DAPK2: variants seen among roughly 807,000 people sequenced by gnomAD.
DAPK2 encodes death-associated protein kinase 2.
Under a neutral mutation model 44.1 loss-of-function variants are expected in DAPK2, and 35 were observed. The ratio of observed to expected loss-of-function variants is 0.79; its 90% CI spans 0.61 to 1.05. The LOEUF (loss-of-function observed/expected upper bound fraction) is 1.05, where lower values mean the gene tolerates loss of function less well. DAPK2 is among the 50% of genes least tolerant of loss of function. The pLI, the probability that DAPK2 is intolerant of heterozygous loss-of-function variation, is 0.00. For synonymous variants in DAPK2, 174 were observed against 182.6 expected (o/e 0.95, Z 0.38); for missense variants, 453 against 483.2 (o/e 0.94, Z 0.59).
intron 1 of DAPK2, among the ~76,000 whole-genome samples, chr15:64,023,747 A>G (rs2079757235): frequency 6.6e-6 from 1 of 152,246 alleles, no homozygotes; most frequent in African/African-American, 2.4e-5. Context: ...ATCTACGGCC[A>G]TTTGCTGGAC....
intron 1 of DAPK2, among the ~76,000 whole-genome samples, chr15:64,001,313 C>T (rs2079079893): frequency 6.6e-6 from 1 of 152,072 alleles, no homozygotes; most frequent in Admixed American, 6.5e-5. Context: ...GATCATGGTA[C>T]AGCCATGCTT....
chr15:63,914,062 G>A (rs1268523123), intron 8 of DAPK2, among the ~76,000 whole-genome samples: 5 of 152,220 alleles, frequency 3.3e-5, no homozygotes, highest in Admixed American at 6.5e-5. Context: ...AGCTGTTGGA[G>A]AGATAAGTTG....
At chr15:64,033,441 T>TA (rs949631863) in intron 1 of DAPK2, among the ~76,000 whole-genome samples, 1 of 152,006 alleles carries the variant, frequency 6.6e-6, no homozygotes, top group African/African-American at 2.4e-5. Flanking sequence ...TTTATTAATT[T>TA]AAAAAACCAT....
intron 7 of DAPK2, among the ~76,000 whole-genome samples, 165 bp downstream of exon 8, chr15:63,925,776 A>C (rs778445726): frequency 1.3e-5 from 2 of 151,950 alleles, no homozygotes; most frequent in Non-Finnish European, 2.9e-5. Context: ...AAACAAGATG[A>C]ATGCCACGTC....
intron 8 of DAPK2, among the ~76,000 whole-genome samples, chr15:63,914,269 C>T (rs1276656221): frequency 6.6e-6 from 1 of 152,040 alleles, no homozygotes; most frequent in Non-Finnish European, 1.5e-5. Context: ...GTGCATGCAA[C>T]CTGGAAGTGG....
intron 3 of DAPK2, among the ~76,000 whole-genome samples, chr15:63,945,101 G>C (rs2077414232): frequency 6.6e-6 from 1 of 152,174 alleles, no homozygotes; most frequent in Non-Finnish European, 1.5e-5. Context: ...CTGAGCTCAA[G>C]TGATCCTCCC....
chr15:63,979,656 T>C (rs921365687), intron 2 of DAPK2, among the ~76,000 whole-genome samples: 6 of 152,194 alleles, frequency 3.9e-5, no homozygotes, highest in Admixed American at 3.9e-4. Context: ...CTCATGCCTG[T>C]AATCCTAGCA....
At chr15:64,015,389 C>A (rs1396840899) in intron 1 of DAPK2, among the ~76,000 whole-genome samples, 1 of 152,200 alleles carries the variant, frequency 6.6e-6, no homozygotes, top group Non-Finnish European at 1.5e-5. Flanking sequence ...CCACAACACT[C>A]AGGGCACTGC....
intron 1 of DAPK2, among the ~76,000 whole-genome samples, chr15:64,009,225 T>C (rs946923162): frequency 3.9e-5 from 6 of 152,162 alleles, no homozygotes; most frequent in African/African-American, 1.4e-4. Context: ...GTTTTCTGAA[T>C]GGACTTGGGC....
intron 10 of DAPK2, chr15:63,909,212 G>A (rs974208220): frequency 6.6e-6 from 1 of 152,116 alleles, no homozygotes; most frequent in Non-Finnish European, 1.5e-5. Context: ...AAGTCATGAT[G>A]ATCTAATGTA....
At chr15:63,929,600 G>T in intron 5 of DAPK2, 23 bp from the exon 7 acceptor site, 1 of 1,613,906 alleles carries the variant, frequency 6.2e-7, no homozygotes, top group Non-Finnish European at 8.5e-7. Context: ...GAACAGTCAA[G>T]TCAGGGCCAC....
intron 1 of DAPK2, among the ~76,000 whole-genome samples, chr15:63,987,180 C>T (rs1018616783): frequency 6.6e-6 from 1 of 152,134 alleles, no homozygotes; most frequent in Non-Finnish European, 1.5e-5. Context: ...AGCAGATGCA[C>T]AAAAGCAGAA....
chr15:64,046,382 CGCGGCGGGA>C (rs2080468568), upstream of DAPK2: 1 of 296,666 alleles, frequency 3.4e-6, no homozygotes, highest in African/African-American at 3.8e-5. The surrounding 1 kb of genome is among the most constrained non-coding windows in gnomAD (Gnocchi z 5.3). Context: ...GCGCGGCGGG[CGCGGCGGGA>C]ACGGGGGACG....
chr15:63,965,843 T>A (rs1193479319), intron 3 of DAPK2, among the ~76,000 whole-genome samples: 1 of 152,204 alleles, frequency 6.6e-6, no homozygotes, highest in South Asian at 2.1e-4. Flanking sequence ...GACTCTCCCT[T>A]CAGGGCAGTG....
At chr15:64,018,317 T>G (rs867822849) in intron 1 of DAPK2, among the ~76,000 whole-genome samples, 1 of 152,170 alleles carries the variant, frequency 6.6e-6, no homozygotes. Flanking sequence ...ACAGGACCTG[T>G]GAGCCCAAGG....
intron 3 of DAPK2, among the ~76,000 whole-genome samples, chr15:63,963,753 C>A (rs2077977408): frequency 6.6e-6 from 1 of 152,162 alleles, no homozygotes; most frequent in African/African-American, 2.4e-5. Context: ...ATGAGGCTTG[C>A]AAACACTGTC....
At chr15:63,994,574 A>G (rs1172864752) in intron 1 of DAPK2, among the ~76,000 whole-genome samples, 2 of 145,704 alleles carry the variant, frequency 1.4e-5, no homozygotes, top group African/African-American at 5.1e-5. Flanking sequence ...GCACATACTG[A>G]AATCTTTTTT....
chr15:63,989,639 G>A (rs1171100244), intron 1 of DAPK2, among the ~76,000 whole-genome samples: 6 of 152,106 alleles, frequency 3.9e-5, no homozygotes, highest in Non-Finnish European at 8.8e-5. Flanking sequence ...TTTTATTATC[G>A]GTTTGTTTGA....
At chr15:63,922,610 G>A (rs2079107054) in intron 8 of DAPK2, 2 of 1,425,254 alleles carry the variant, frequency 1.4e-6, no homozygotes, top group Non-Finnish European at 1.8e-6. Context: ...TCTGTGGAGG[G>A]GCTGGAAGGC....
Sources: gnomAD v4.1 joint callset for allele counts (sites outside exome capture counted in the v4.1 genomes callset) on GRCh38, gnomAD v4.1.1 for gene constraint, Gnocchi (gnomAD v3.1) non-coding constraint, MANE v1.5 for transcripts, NCBI Gene and HGNC (gene_info 2026-07-23, HGNC 2026-07-21) for gene names.